Variants in MED27 observed in about 807,000 individuals in gnomAD.
MED27 encodes mediator of RNA polymerase II transcription subunit 27.
MED27 carries 30 observed loss-of-function variants against 38.2 expected under a neutral mutation model. The observed-to-expected ratio is 0.79, with a 90% CI of 0.59 to 1.07. The LOEUF (loss-of-function observed/expected upper bound fraction) is 1.07, where lower values mean the gene tolerates loss of function less well. MED27 is among the 50% of genes least tolerant of loss of function. MED27 has a pLI of 0.00. For missense variants in MED27, 289 were observed against 397.5 expected (o/e 0.73, Z 2.32); for synonymous variants, 122 against 153.5 (o/e 0.79, Z 1.52).
At chr9:131,870,611 A>G (rs1838814531) in intron 6 of MED27, among the ~76,000 whole-genome samples, 1 of 152,136 alleles carries the variant, frequency 6.6e-6, no homozygotes, top group South Asian at 2.1e-4. Flanking sequence ...CTATGCCCCA[A>G]GCCTCATGGG....
chr9:131,934,915 T>C (rs747846224), intron 4 of MED27, among the ~76,000 whole-genome samples: 4 of 152,144 alleles, frequency 2.6e-5, no homozygotes, highest in Non-Finnish European at 5.9e-5. Context: ...TGCAACAACA[T>C]GGGTGGAAAT....
At chr9:131,936,287 G>A (rs896481132) in intron 4 of MED27, among the ~76,000 whole-genome samples, 1 of 152,172 alleles carries the variant, frequency 6.6e-6, no homozygotes, top group Non-Finnish European at 1.5e-5. Context: ...AGGGATAGGT[G>A]TCCCCGCAGC....
Position 132,057,298 on chromosome 9 carries a change from T to C in MED27, c.348+20144A>G, listed in dbSNP as rs115043213. Among the ~76,000 whole-genome samples, 225 of 152,342 alleles carry C rather than the reference T, an allele frequency of 1.5e-3. 1 individual carries two copies. The highest frequency in any genetic ancestry group is 5.3e-3 in the African/African-American group (219 of 41,586). ...GCAAGGCATGTGTCCTCCTGTAGCC[T>C]TAGCGTCCTCATCCGGCAAACCAAT... On this transcript the variant is annotated intron_variant, in intron 2 of 7. Transcript: ENST00000292035.
At chr9:132,062,534 A>C (rs1833719247) in intron 2 of MED27, among the ~76,000 whole-genome samples, 1 of 152,186 alleles carries the variant, frequency 6.6e-6, no homozygotes, top group Non-Finnish European at 1.5e-5. Context: ...CTGGGGTGCA[A>C]TGGGAGCCAG....
chr9:132,003,019 C>T lies in MED27; in HGVS notation c.479+11318G>A, dbSNP rs1458032010. 6.6e-6 allele frequency among the ~76,000 whole-genome samples: 1 copy of T among 151,904 alleles called. No homozygotes were observed. The highest frequency in any genetic ancestry group is 1.5e-5 in the Non-Finnish European group (1 of 67,952). On this transcript the variant is annotated intron_variant, in intron 3 of 7. Transcript: ENST00000292035. This position sits in a 1 kb window ranked among gnomAD's most constrained non-coding sequence, Gnocchi z 4.2. The stretch of plus-strand genomic sequence containing the variant: ...GAAACAAAAGAGTTTCACTTACAAC[C>T]AGCATTAGTTGGGGGACAGCATGGT...
chr9:132,052,805 C>T (rs961077573), intron 2 of MED27, among the ~76,000 whole-genome samples: 1 of 152,210 alleles, frequency 6.6e-6, no homozygotes, highest in Non-Finnish European at 1.5e-5. Context: ...CACTTAATAA[C>T]CTCCAGTTCT....
chr9:132,073,748 A>AT (rs964824050), intron 2 of MED27: 12 of 1,513,586 alleles, frequency 7.9e-6, no homozygotes, highest in African/African-American at 7.1e-5. Context: ...TCTTTCTGTA[A>AT]TAAAAAAAAA....
At chr9:131,946,753 C>T (rs1333967375) in intron 3 of MED27, among the ~76,000 whole-genome samples, 1 of 152,212 alleles carries the variant, frequency 6.6e-6, no homozygotes, top group African/African-American at 2.4e-5. Context: ...ACACTGTGCA[C>T]ACTCTGTCTG....
chr9:132,008,151 A>C (rs563224170), intron 3 of MED27, among the ~76,000 whole-genome samples: 7 of 152,248 alleles, frequency 4.6e-5, no homozygotes, highest in Non-Finnish European at 1.0e-4. Flanking sequence ...ACTGATTGAA[A>C]GCAATATTCC....
At position 131,885,359 on chromosome 9, in the gene MED27, C is replaced by T. The variant is rs529053553; in HGVS notation, c.682-1260G>A. 2.6e-5 allele frequency among the ~76,000 whole-genome samples: 4 copies of T among 152,304 alleles called. No homozygotes were observed. In the East Asian group the frequency reaches 5.8e-4, roughly 22 times the overall value. On this transcript the variant is annotated intron_variant, in intron 5 of 7. Transcript: ENST00000292035. Reference sequence around the variant, plus strand: ...ATCCTGGCTGAGCATCAGAAGCCCCCGGGGGAAGGTTTTTGTTTTTTGATA... The same window carrying T: ...ATCCTGGCTGAGCATCAGAAGCCCCTGGGGGAAGGTTTTTGTTTTTTGATA...
intron 4 of MED27, among the ~76,000 whole-genome samples, chr9:131,936,260 T>C (rs1830682514): frequency 6.6e-6 from 1 of 152,188 alleles, no homozygotes; most frequent in African/African-American, 2.4e-5. Flanking sequence ...GACAGCATCC[T>C]GGAGGCTTGG....
chr9:131,870,430 C>T (rs1279019953), intron 6 of MED27, among the ~76,000 whole-genome samples: 3 of 152,342 alleles, frequency 2.0e-5, no homozygotes, highest in Middle Eastern at 6.8e-3. Context: ...GGTTTTAGCC[C>T]GCTGAATCCC....
chr9:131,974,389 A>G (rs1831558790), intron 3 of MED27, among the ~76,000 whole-genome samples: 1 of 152,242 alleles, frequency 6.6e-6, no homozygotes, highest in Admixed American at 6.5e-5. Context: ...CTCCTGTGTC[A>G]GACTGACCAG....
At chr9:131,880,864 C>T (rs1332831371) in intron 6 of MED27, among the ~76,000 whole-genome samples, 1 of 151,892 alleles carries the variant, frequency 6.6e-6, no homozygotes, top group East Asian at 1.9e-4. Flanking sequence ...CTTCCTAATA[C>T]ACTTTCTGCT....
intron 2 of MED27, among the ~76,000 whole-genome samples, chr9:132,040,897 A>T (rs557699459): frequency 2.0e-5 from 3 of 152,050 alleles, no homozygotes; most frequent in Non-Finnish European, 4.4e-5. Context: ...AGGGGAGGGG[A>T]GGGGGCCACA....
At position 131,969,172 on chromosome 9, in the gene MED27, G is replaced by A. The variant is rs1480166863; in HGVS notation, c.480-29698C>T. 3.1e-5 allele frequency among the ~76,000 whole-genome samples: 4 copies of A among 129,126 alleles called. No individual in the cohort carries two copies. The East Asian group carries it at 6.7e-4, about 22-fold the overall frequency. The allele number at this position is 129,126 out of a possible 152,430, so 84.7% of individuals were successfully genotyped here. On this transcript the variant is annotated intron_variant, in intron 3 of 7. Coordinates refer to ENST00000292035, the MANE Select transcript of MED27 (RefSeq NM_004269.4). The stretch of plus-strand genomic sequence containing the variant: ...TTGAATCATCCTGAAACCACCCCCC[G>A]CTCCTGCCCCCCACACCTTCTGTCC...
At chr9:131,908,427 A>T (rs1589202029) in intron 4 of MED27, among the ~76,000 whole-genome samples, 1 of 152,252 alleles carries the variant, frequency 6.6e-6, no homozygotes, top group South Asian at 2.1e-4. Context: ...GGTTTTGTGG[A>T]ATAGAAAGCG....
intron 3 of MED27, among the ~76,000 whole-genome samples, chr9:132,010,594 G>A (rs541391515): frequency 3.9e-5 from 6 of 152,262 alleles, no homozygotes; most frequent in Admixed American, 2.0e-4. Flanking sequence ...TATGTTTATT[G>A]TGGCACTATT....
chr9:132,076,865 G>A (rs1042395591), intron 2 of MED27, among the ~76,000 whole-genome samples: 2 of 152,124 alleles, frequency 1.3e-5, no homozygotes, highest in African/African-American at 4.8e-5. Context: ...AGCTGTCCTA[G>A]GGTCTCTGCC....
Sources: gnomAD v4.1 joint callset for allele counts (sites outside exome capture counted in the v4.1 genomes callset) on GRCh38, gnomAD v4.1.1 for gene constraint, Gnocchi (gnomAD v3.1) non-coding constraint, MANE v1.5 for transcripts, NCBI Gene and HGNC (gene_info 2026-07-23, HGNC 2026-07-21) for gene names.